Variants in CSMD3 observed in about 807,000 individuals in gnomAD.
CSMD3 encodes the protein CUB and Sushi multiple domains 3.
In CSMD3, 177 loss-of-function variants were observed where a neutral mutation model predicts 435.2. The observed-to-expected ratio is 0.41, with a 90% CI of 0.36 to 0.46. The LOEUF is 0.46. Among genes scored for constraint, CSMD3 ranks in the 20% least tolerant of loss-of-function variants. The probability of loss-of-function intolerance (pLI) is 0.34; values close to 1 mark genes in which losing one functional copy is unlikely to be tolerated. For synonymous variants in CSMD3, 1,656 were observed against 1,520.5 expected (o/e 1.09, Z -2.07); for missense variants, 4,265 against 4,504.6 (o/e 0.95, Z 1.52).
chr8:112,550,251 TTAGA>T (rs1221550305), intron 27 of CSMD3, among the ~76,000 whole-genome samples: 1 of 152,006 alleles, frequency 6.6e-6, no homozygotes, highest in Non-Finnish European at 1.5e-5. Flanking sequence ...ATTAAGATAT[TTAGA>T]TAATTTTTAA....
intron 31 of CSMD3, among the ~76,000 whole-genome samples, chr8:112,479,425 G>A (rs1374312858): frequency 1.3e-5 from 2 of 152,318 alleles, no homozygotes; most frequent in South Asian, 2.1e-4. Flanking sequence ...GAGTAAAAGG[G>A]AGCCAAGTGC....
At chr8:113,108,287 G>T (rs1172702209) in intron 4 of CSMD3, among the ~76,000 whole-genome samples, 1 of 151,996 alleles carries the variant, frequency 6.6e-6, no homozygotes, top group African/African-American at 2.4e-5. Flanking sequence ...AATTAGCGGG[G>T]CGTGGTGGCA....
chr8:113,183,868 C>T (rs1232979791), intron 3 of CSMD3, among the ~76,000 whole-genome samples: 3 of 151,950 alleles, frequency 2.0e-5, no homozygotes, highest in Non-Finnish European at 2.9e-5. Flanking sequence ...ACAATGGGCA[C>T]AGAAAACTTC....
chr8:112,669,856 T>C (rs2075615878), intron 16 of CSMD3, among the ~76,000 whole-genome samples: 1 of 152,176 alleles, frequency 6.6e-6, no homozygotes, highest in African/African-American at 2.4e-5. Context: ...ATAAGTACAC[T>C]ATTATAGATA....
At chr8:112,323,400 C>T (rs1823190085) in intron 45 of CSMD3, among the ~76,000 whole-genome samples, 1 of 151,980 alleles carries the variant, frequency 6.6e-6, no homozygotes, top group Admixed American at 6.6e-5. Flanking sequence ...AATAGTTTCA[C>T]CTAAAATTCA....
chr8:113,113,634 C>T (rs2090732781), intron 4 of CSMD3, among the ~76,000 whole-genome samples: 1 of 152,132 alleles, frequency 6.6e-6, no homozygotes, highest in Admixed American at 6.6e-5. Context: ...GAGAAATAAT[C>T]ACATACTGTT....
intron 17 of CSMD3, among the ~76,000 whole-genome samples, chr8:112,665,075 T>C (rs574362689): frequency 6.6e-6 from 1 of 152,254 alleles, no homozygotes; most frequent in East Asian, 1.9e-4. Flanking sequence ...AATCTTGTAA[T>C]AAATAGCTGA....
chr8:112,436,611 T>G (rs966187924), intron 32 of CSMD3, among the ~76,000 whole-genome samples: 12 of 151,132 alleles, frequency 7.9e-5, no homozygotes, highest in Admixed American at 2.6e-4. Flanking sequence ...AGTGTATGCA[T>G]GTATACATAT....
chr8:113,105,809 A>T (rs1367850785), intron 4 of CSMD3, among the ~76,000 whole-genome samples: 1 of 152,176 alleles, frequency 6.6e-6, no homozygotes, highest in Non-Finnish European at 1.5e-5. Context: ...ACTAGAAGAA[A>T]GCTCAAGATT....
At chr8:112,247,837 G>C (rs181817489) in intron 63 of CSMD3, among the ~76,000 whole-genome samples, 12 of 152,184 alleles carry the variant, frequency 7.9e-5, no homozygotes, top group South Asian at 2.1e-4. Flanking sequence ...CAAGCCCTTT[G>C]GGTGGTGGTA....
chr8:113,315,915 C>G (rs1182644267), intron 1 of CSMD3, among the ~76,000 whole-genome samples: 1 of 151,844 alleles, frequency 6.6e-6, no homozygotes, highest in African/African-American at 2.4e-5. Context: ...GACGGGGTTT[C>G]ACCATGCTGG....
At chr8:113,244,044 C>T (rs1365904443) in intron 3 of CSMD3, among the ~76,000 whole-genome samples, 1 of 152,096 alleles carries the variant, frequency 6.6e-6, no homozygotes, top group Non-Finnish European at 1.5e-5. Context: ...TTGTATCTAT[C>T]TTTCAAATTA....
At chr8:112,771,337 G>A (rs891634525) in intron 13 of CSMD3, among the ~76,000 whole-genome samples, 3 of 151,904 alleles carry the variant, frequency 2.0e-5, no homozygotes, top group Non-Finnish European at 2.9e-5. Flanking sequence ...CCAGGAGTTC[G>A]AAATAAGCCT....
intron 5 of CSMD3, among the ~76,000 whole-genome samples, chr8:113,079,754 G>A (rs926365687): frequency 6.6e-6 from 1 of 152,204 alleles, no homozygotes; most frequent in African/African-American, 2.4e-5. Context: ...TATTTTTGGA[G>A]TTCTTTGAGA....
At chr8:112,545,254 C>G (rs184013492) in intron 27 of CSMD3, among the ~76,000 whole-genome samples, 82 of 152,056 alleles carry the variant, frequency 5.4e-4, no homozygotes, top group African/African-American at 1.8e-3. Flanking sequence ...GGTGCTGAGG[C>G]GGGCGGATCA....
intron 3 of CSMD3, among the ~76,000 whole-genome samples, chr8:113,253,393 G>A (rs1028307573): frequency 1.3e-5 from 2 of 151,726 alleles, no homozygotes; most frequent in Non-Finnish European, 1.5e-5. Flanking sequence ...CCCACCCCAC[G>A]ACAGGCCCCG....
At chr8:112,706,657 C>T (rs1181116043) in intron 13 of CSMD3, among the ~76,000 whole-genome samples, 1 of 151,950 alleles carries the variant, frequency 6.6e-6, no homozygotes, top group Admixed American at 6.6e-5. Flanking sequence ...AGACACGAGA[C>T]TAGAGAGATG....
intron 28 of CSMD3, among the ~76,000 whole-genome samples, chr8:112,513,037 G>C (rs1823294807): frequency 6.6e-6 from 1 of 152,106 alleles, no homozygotes; most frequent in African/African-American, 2.4e-5. Context: ...GCCTTCCTTT[G>C]GATTAGGTTT....
chr8:113,152,881 G>C (rs1052912969), intron 4 of CSMD3, among the ~76,000 whole-genome samples: 1 of 151,718 alleles, frequency 6.6e-6, no homozygotes, highest in Non-Finnish European at 1.5e-5. Flanking sequence ...TGAGGCATAA[G>C]AGTCATTTGA....
Sources: allele counts gnomAD v4.1 joint callset (sites outside exome capture counted in the v4.1 genomes callset), GRCh38; gene constraint gnomAD v4.1.1; transcripts MANE v1.5; gene names NCBI Gene and HGNC (gene_info 2026-07-23, HGNC 2026-07-21).